The following PTPRE variants were observed in gnomAD, a reference collection of about 807,000 sequenced individuals.
The protein encoded by PTPRE is protein tyrosine phosphatase receptor type E.
A neutral mutation model predicts 102.0 loss-of-function variants in PTPRE; 51 were observed. That is an observed-to-expected ratio of 0.50 (90% CI 0.40 to 0.63). The LOEUF is 0.63. Among genes scored for constraint, PTPRE ranks in the 30% least tolerant of loss-of-function variants. The probability of loss-of-function intolerance (pLI) is 0.00; values close to 1 mark genes in which losing one functional copy is unlikely to be tolerated. For missense variants in PTPRE, 752 were observed against 915.1 expected (o/e 0.82, Z 2.30); for synonymous variants, 345 against 348.2 (o/e 0.99, Z 0.10).
intron 1 of PTPRE, among the ~76,000 whole-genome samples, chr10:127,936,717 GT>G (rs1429566577): frequency 2.6e-5 from 4 of 152,142 alleles, no homozygotes; most frequent in African/African-American, 9.7e-5. Context: ...GCTGAGAGGT[GT>G]CATGAATTAT....
In PTPRE at chr10:128,070,990, C is replaced by T; in HGVS notation, c.1387+89C>T. On this transcript the variant is annotated intron_variant, in intron 15 of 20. Coordinates refer to ENST00000254667, the MANE Select transcript of PTPRE (RefSeq NM_006504.6). This position sits in a 1 kb window ranked among gnomAD's most constrained non-coding sequence, Gnocchi z 4.8. ...CTGGAGAAGCCATTGACCGCTTACC[C>T]CTGTGCACCAGGGTCAAAAGCAGGG... The T allele has an allele frequency of 1.5e-6, 2 of 1,319,508 alleles. No homozygotes were observed. The highest frequency in any genetic ancestry group is 2.1e-6 in the Non-Finnish European group (2 of 932,736). 81.7% of individuals were successfully genotyped at this position (1,319,508 alleles called of 1,614,324 possible).
intron 1 of PTPRE, among the ~76,000 whole-genome samples, chr10:127,976,612 TC>T (rs1160727610): frequency 6.6e-6 from 1 of 152,224 alleles, no homozygotes; most frequent in Non-Finnish European, 1.5e-5. Context: ...TGGGTCTTTT[TC>T]TTCCCCCAGG....
intron 3 of PTPRE, 126 bp from the exon 4 acceptor site, chr10:128,047,264 G>A: frequency 1.5e-6 from 2 of 1,357,506 alleles, no homozygotes; most frequent in East Asian, 2.5e-5. Flanking sequence ...TTTTCAGGAT[G>A]ATGGATCCAC....
rs898999641 is a variant in PTPRE, at chr10:128,028,439, C to A, written c.-7-12436C>A. Among the ~76,000 whole-genome samples the A allele has an allele frequency of 6.6e-6, 1 of 152,200 alleles. No homozygotes were observed. Among genetic ancestry groups the A allele is most frequent in the African/African-American group, 2.4e-5 (1 of 41,448 alleles). ...CCGTGATCTCCTCCATCTTTTCTTT[C>A]TCCAGCTGCCTCTGAAGGTCACAGA... On this transcript the variant is annotated intron_variant, in intron 2 of 20. Coordinates refer to ENST00000254667, the MANE Select transcript of PTPRE (RefSeq NM_006504.6). The surrounding 1 kb of genome is among the most constrained non-coding windows in gnomAD (Gnocchi z 4.5).
At chr10:127,940,531 C>T (rs945158972) in intron 1 of PTPRE, among the ~76,000 whole-genome samples, 1 of 151,740 alleles carries the variant, frequency 6.6e-6, no homozygotes, top group African/African-American at 2.4e-5. Flanking sequence ...AGTCCCCCTG[C>T]TTCCCCTGCA....
At chr10:128,035,586 C>T (rs917558636) in intron 2 of PTPRE, among the ~76,000 whole-genome samples, 3 of 152,176 alleles carry the variant, frequency 2.0e-5, no homozygotes, top group Non-Finnish European at 2.9e-5. Flanking sequence ...TGAGAAGAAC[C>T]CTCATCTGTT....
rs1245840666 is a variant in PTPRE, at chr10:128,063,102, T to C, written c.645T>C (p.Val215=). ...ACACAGGTCCCAAACAGGAAACGGTTAACGACTTCTGGAGAATGGTCTGGG... is the reference window on the plus strand; with the variant it reads ...ACACAGGTCCCAAACAGGAAACGGTCAACGACTTCTGGAGAATGGTCTGGG... ...IAAQGPKQET[V]NDFWRMVWEQ... The change falls in exon 10 of 21, where the codon GTT becomes GTC. Residue 215 remains valine (V), a synonymous_variant. Coordinates refer to ENST00000254667, the MANE Select transcript of PTPRE (RefSeq NM_006504.6). 1 of 1,614,220 alleles carries C rather than the reference T, an allele frequency of 6.2e-7. No individual in the cohort carries two copies. The highest frequency in any genetic ancestry group is 1.6e-4 in the Middle Eastern group (1 of 6,062).
chr10:127,984,460 A>G (rs1054130722), intron 2 of PTPRE, among the ~76,000 whole-genome samples: 1 of 152,150 alleles, frequency 6.6e-6, no homozygotes, highest in Non-Finnish European at 1.5e-5. Flanking sequence ...TTCTGATTCC[A>G]GAAATCTTTC....
intron 1 of PTPRE, among the ~76,000 whole-genome samples, chr10:127,911,186 A>T (rs1009551703): frequency 6.6e-6 from 1 of 152,234 alleles, no homozygotes; most frequent in Non-Finnish European, 1.5e-5. Context: ...AGTAGGTCAA[A>T]TCAGTGTGGT....
At chr10:127,949,069 C>T (rs951798016) in intron 1 of PTPRE, among the ~76,000 whole-genome samples, 1 of 152,250 alleles carries the variant, frequency 6.6e-6, no homozygotes, top group Non-Finnish European at 1.5e-5. Flanking sequence ...CAGTGCCCCA[C>T]CCTCAATCCA....
chr10:127,925,839 G>A (rs559346304), intron 1 of PTPRE, among the ~76,000 whole-genome samples: 3 of 152,266 alleles, frequency 2.0e-5, no homozygotes, highest in Admixed American at 1.3e-4. Context: ...GCACTTTGGA[G>A]CAGCAGCTGA....
intron 2 of PTPRE, among the ~76,000 whole-genome samples, chr10:127,988,332 A>G (rs1480775143): frequency 1.4e-5 from 2 of 137,960 alleles, no homozygotes; most frequent in Non-Finnish European, 3.1e-5. Flanking sequence ...TTGAGACTGA[A>G]TCTTGCTCTA....
chr10:127,981,463 G>A (rs181580042), intron 1 of PTPRE, among the ~76,000 whole-genome samples: 52 of 152,190 alleles, frequency 3.4e-4, no homozygotes, highest in Middle Eastern at 3.4e-3. Flanking sequence ...GAACTTTATC[G>A]TATGAAAATT....
intron 2 of PTPRE, among the ~76,000 whole-genome samples, chr10:127,982,997 C>A (rs1391636077): frequency 1.3e-5 from 2 of 152,192 alleles, no homozygotes; most frequent in African/African-American, 2.4e-5. Flanking sequence ...ACGTGGACTT[C>A]TGGGTGTGCT....
intron 1 of PTPRE, among the ~76,000 whole-genome samples, chr10:127,952,055 C>A (rs1849067420): frequency 6.6e-6 from 1 of 152,200 alleles, no homozygotes; most frequent in African/African-American, 2.4e-5. Context: ...AGTTTGCCTT[C>A]AGCTGACAAG....
intron 10 of PTPRE, 61 bp downstream of exon 10, chr10:128,063,241 G>T: frequency 3.1e-6 from 5 of 1,594,830 alleles, no homozygotes; most frequent in Admixed American, 1.7e-5. Flanking sequence ...CCGGGCTGGG[G>T]ATGTTCTTAC....
In PTPRE at chr10:128,070,643, C is replaced by G. The variant is rs955882812; in HGVS notation, c.1294-165C>G. ...TGGCTTTCAGAGCCTCATAGCAGCC[C>G]TACTAGGCACACATTTGTATTTCCC... On this transcript the variant is annotated intron_variant, in intron 14 of 20. Coordinates refer to ENST00000254667, the MANE Select transcript of PTPRE (RefSeq NM_006504.6). The surrounding 1 kb of genome is among the most constrained non-coding windows in gnomAD (Gnocchi z 4.8). 1.3e-5 allele frequency among the ~76,000 whole-genome samples: 2 copies of G among 152,202 alleles called. No homozygotes were observed. Among genetic ancestry groups the G allele is most frequent in the Non-Finnish European group, 2.9e-5 (2 of 68,036 alleles).
rs1427585046 is a variant in PTPRE at position 128,070,243 on chromosome 10, C to G, written c.1144-58C>G. On this transcript the variant is annotated intron_variant, in intron 13 of 20. Transcript: ENST00000254667. The surrounding 1 kb of genome is among the most constrained non-coding windows in gnomAD (Gnocchi z 4.8). The stretch of plus-strand genomic sequence containing the variant: ...GCCCTCTTTGGTCTGCCAAGCTCCA[C>G]GTGGGCCAAGACTGCAGGGCAGAGT... The G allele has an allele frequency of 1.2e-5, 18 of 1,526,048 alleles. No homozygotes were observed. Among genetic ancestry groups the G allele is most frequent in the Non-Finnish European group, 1.6e-5 (18 of 1,134,952 alleles). The allele number at this position is 1,526,048 out of a possible 1,614,324, so 94.5% of individuals were successfully genotyped here. A position where few individuals can be genotyped will look rare whatever the true frequency, so the allele number is the denominator to read the frequency against.
chr10:127,976,869 T>C (rs1851223235), intron 1 of PTPRE, among the ~76,000 whole-genome samples: 1 of 152,228 alleles, frequency 6.6e-6, no homozygotes, highest in South Asian at 2.1e-4. Context: ...GCCTAGATGA[T>C]TCAGAAACGT....
Sources: gnomAD v4.1 joint callset for allele counts (sites outside exome capture counted in the v4.1 genomes callset) on GRCh38, gnomAD v4.1.1 for gene constraint, Gnocchi (gnomAD v3.1) non-coding constraint, MANE v1.5 for transcripts, NCBI Gene and HGNC (gene_info 2026-07-23, HGNC 2026-07-21) for gene names.